MTARC1: variants seen among roughly 807,000 people sequenced by gnomAD.
The protein encoded by MTARC1 is mitochondrial amidoxime reducing component 1.
A neutral mutation model predicts 33.6 loss-of-function variants in MTARC1; 24 were observed. The ratio of observed to expected loss-of-function variants is 0.72; its 90% CI spans 0.52 to 1.01. MTARC1 has a LOEUF of 1.01. Ranked by LOEUF, MTARC1 falls within the 50% of genes least tolerant of loss-of-function variation. The pLI, the probability that MTARC1 is intolerant of heterozygous loss-of-function variation, is 0.00. For missense variants in MTARC1, 417 were observed against 445.7 expected, an observed-to-expected ratio of 0.94 and a Z score of 0.58; for synonymous variants, 187 against 189.5, an observed-to-expected ratio of 0.99 and a Z score of 0.11.
At chr1:220,804,365 G>T (rs947036905) in intron 4 of MTARC1, among the ~76,000 whole-genome samples, 1 of 152,024 alleles carries the variant, frequency 6.6e-6, no homozygotes, top group South Asian at 2.1e-4. Flanking sequence ...AATATTTCTG[G>T]CATTTAAAAA....
chr1:220,789,528 C>T (rs574740306), intron 1 of MTARC1, among the ~76,000 whole-genome samples: 10 of 152,260 alleles, frequency 6.6e-5, no homozygotes, highest in South Asian at 4.2e-4. Flanking sequence ...TCCTGGGCCA[C>T]GGGTTGGACA....
intron 6 of MTARC1, 39 bp from the exon 7 acceptor site, chr1:220,813,253 C>T (rs756882216): frequency 1.1e-5 from 17 of 1,613,246 alleles, no homozygotes; most frequent in East Asian, 2.2e-5. Context: ...CTCTTGCATC[C>T]GCTTGGCTGT....
chr1:220,796,129 ATAT>A (rs201632113), intron 2 of MTARC1, among the ~76,000 whole-genome samples: 2,237 of 152,026 alleles, frequency 0.015, 16 homozygotes, highest in Non-Finnish European at 0.024. Context: ...AATAAATATA[ATAT>A]TATTGTTAAT....
rs985352082 is a variant in MTARC1 at position 220,815,644 on chromosome 1, A to G, written c.*2226A>G. ...AAGGCCATTTACTTGTGTTTATTTTATATTTAATGAGTTGGTTAATGCCAG... is the reference window on the plus strand; with the variant it reads ...AAGGCCATTTACTTGTGTTTATTTTGTATTTAATGAGTTGGTTAATGCCAG... On this transcript the variant is annotated 3_prime_UTR_variant, in exon 7 of 7. Transcript: ENST00000366910. 3.9e-5 allele frequency: 6 copies of G among 152,204 alleles called. No homozygotes were observed. Among genetic ancestry groups the G allele is most frequent in the Admixed American group, 3.9e-4 (6 of 15,282 alleles). 9.4% of individuals were successfully genotyped at this position (152,204 alleles called of 1,614,324 possible).
At position 220,816,084 on chromosome 1, in the gene MTARC1, A is replaced by G. The variant is rs1673272899; in HGVS notation, c.*2666A>G. 1 of 151,938 alleles carries G rather than the reference A, an allele frequency of 6.6e-6. No homozygotes were observed. Among genetic ancestry groups the G allele is most frequent in the African/African-American group, 2.4e-5 (1 of 41,332 alleles). 9.4% of individuals were successfully genotyped at this position (151,938 alleles called of 1,614,324 possible). On this transcript the variant is annotated 3_prime_UTR_variant, in exon 7 of 7. Coordinates refer to ENST00000366910, the MANE Select transcript of MTARC1 (RefSeq NM_022746.4). Reference sequence around the variant, plus strand: ...AGGCCGTTGTCCTATAGGGAGAAATACTCCTCCTCTCCTTCTCCCTTTACT... The same window carrying G: ...AGGCCGTTGTCCTATAGGGAGAAATGCTCCTCCTCTCCTTCTCCCTTTACT...
intron 6 of MTARC1, among the ~76,000 whole-genome samples, chr1:220,807,735 A>G (rs1355554058): frequency 6.6e-6 from 1 of 152,110 alleles, no homozygotes; most frequent in Admixed American, 6.5e-5. Context: ...GGGAAATGTC[A>G]CTATATGTGA....
intron 4 of MTARC1, among the ~76,000 whole-genome samples, chr1:220,801,485 G>A (rs1672805905): frequency 6.6e-6 from 1 of 152,262 alleles, no homozygotes; most frequent in African/African-American, 2.4e-5. Flanking sequence ...GTACATAGAA[G>A]GTGTGCACTA....
At position 220,818,514 on chromosome 1, in the gene MTARC1, T is replaced by A. The variant is rs757845212; in HGVS notation, c.*5096T>A. The A allele has an allele frequency of 4.6e-5, 7 of 152,078 alleles. No homozygotes were observed. The highest frequency in any genetic ancestry group is 1.0e-4 in the Non-Finnish European group (7 of 68,008). 9.4% of individuals were successfully genotyped at this position (152,078 alleles called of 1,614,324 possible). A position where few individuals can be genotyped will look rare whatever the true frequency, so the allele number is the denominator to read the frequency against. On this transcript the variant is annotated 3_prime_UTR_variant, in exon 7 of 7. Transcript: ENST00000366910. ...CTTGCTGGTCCTCAGTCATGCTCCT[T>A]TACCTTTACAGAGCATCCTAGACTG...
intron 3 of MTARC1, 131 bp downstream of exon 3, chr1:220,796,936 T>A: frequency 1.1e-6 from 1 of 916,374 alleles, no homozygotes; most frequent in Non-Finnish European, 1.6e-6. Flanking sequence ...TCACAAGCAG[T>A]AGGCAGAAAT....
chr1:220,796,213 C>T (rs1206835255), intron 2 of MTARC1, among the ~76,000 whole-genome samples: 1 of 152,012 alleles, frequency 6.6e-6, no homozygotes, highest in Non-Finnish European at 1.5e-5. Flanking sequence ...TGTTGCTGTA[C>T]TATACTGGCA....
At chr1:220,800,129 G>A (rs999582289) in intron 4 of MTARC1, among the ~76,000 whole-genome samples, 5 of 152,162 alleles carry the variant, frequency 3.3e-5, no homozygotes, top group Non-Finnish European at 5.9e-5. Context: ...GAGAAGAGGA[G>A]ATGGCCCAGA....
At chr1:220,796,829 G>T in intron 3 of MTARC1, 24 bp downstream of exon 3, 1 of 1,580,514 alleles carries the variant, frequency 6.3e-7, no homozygotes, top group East Asian at 2.4e-5. Context: ...CTGCCTCCAT[G>T]GGTAGAAAGC....
intron 6 of MTARC1, among the ~76,000 whole-genome samples, chr1:220,807,447 G>A (rs1673003780): frequency 1.3e-5 from 2 of 152,306 alleles, no homozygotes; most frequent in Middle Eastern, 3.4e-3. Context: ...GCTGGGCATG[G>A]TGGTGGTCAC....
At chr1:220,787,256 G>C (rs781115608) in intron 1 of MTARC1, 37 bp downstream of exon 1, 5 of 1,536,642 alleles carry the variant, frequency 3.3e-6, no homozygotes, top group Non-Finnish European at 3.5e-6. Context: ...GCGCTGATCC[G>C]GCTCGGGGCA....
intron 4 of MTARC1, among the ~76,000 whole-genome samples, chr1:220,800,083 C>T (rs1672740760): frequency 1.3e-5 from 2 of 152,152 alleles, no homozygotes; most frequent in African/African-American, 4.8e-5. Flanking sequence ...GCCATTTCCA[C>T]CCCAAAATTC....
chr1:220,812,334 A>AT (rs1673160394), intron 6 of MTARC1, among the ~76,000 whole-genome samples: 1 of 152,240 alleles, frequency 6.6e-6, no homozygotes, highest in African/African-American at 2.4e-5. Flanking sequence ...CTGGAGAGCC[A>AT]CGGAAGGTTT....
intron 6 of MTARC1, among the ~76,000 whole-genome samples, chr1:220,810,359 C>T (rs1457655425): frequency 6.6e-6 from 1 of 152,186 alleles, no homozygotes; most frequent in Non-Finnish European, 1.5e-5. Context: ...AGCCTGGAGG[C>T]GGGCTTCCGC....
At chr1:220,797,574 T>C (rs1672660473) in intron 3 of MTARC1, among the ~76,000 whole-genome samples, 1 of 152,192 alleles carries the variant, frequency 6.6e-6, no homozygotes, top group Non-Finnish European at 1.5e-5. Flanking sequence ...TTATTAAACA[T>C]TTGAGAAATG....
chr1:220,811,662 G>A (rs1348636034), intron 6 of MTARC1, among the ~76,000 whole-genome samples: 3 of 152,156 alleles, frequency 2.0e-5, no homozygotes, highest in South Asian at 4.1e-4. Flanking sequence ...TAAAATTAGG[G>A]TTAGATTAAA....
Sources: gnomAD v4.1 joint callset for allele counts (sites outside exome capture counted in the v4.1 genomes callset) on GRCh38, gnomAD v4.1.1 for gene constraint, MANE v1.5 for transcripts, NCBI Gene and HGNC (gene_info 2026-07-23, HGNC 2026-07-21) for gene names.